The following PTPRD variants were observed in gnomAD, a reference collection of about 807,000 sequenced individuals.
PTPRD encodes the protein receptor-type tyrosine-protein phosphatase delta.
Under a neutral mutation model 214.5 loss-of-function variants are expected in PTPRD, and 34 were observed. That is an observed-to-expected ratio of 0.16 (90% CI 0.12 to 0.21). The LOEUF is 0.21. PTPRD is among the 10% of genes least tolerant of loss of function. PTPRD has a pLI of 1.00. For missense variants in PTPRD, 2,545 were observed against 2,398.7 expected, an observed-to-expected ratio of 1.06 and a Z score of -1.27; for synonymous variants, 1,128 against 845.7, an observed-to-expected ratio of 1.33 and a Z score of -5.79.
intron 4 of PTPRD, among the ~76,000 whole-genome samples, chr9:9,953,796 A>G (rs866465754): frequency 5.3e-5 from 8 of 152,264 alleles, no homozygotes; most frequent in Middle Eastern, 3.4e-3. Flanking sequence ...CTCATGCTAC[A>G]TAGCTCACTC....
intron 5 of PTPRD, among the ~76,000 whole-genome samples, chr9:9,907,212 T>C (rs1007004677): frequency 2.6e-5 from 4 of 151,938 alleles, no homozygotes; most frequent in African/African-American, 4.8e-5. Context: ...TCATGTGCAA[T>C]TGTCATATAC....
At chr9:9,293,866 A>G (rs921550220) in intron 9 of PTPRD, among the ~76,000 whole-genome samples, 7 of 151,528 alleles carry the variant, frequency 4.6e-5, no homozygotes, top group African/African-American at 1.5e-4. Context: ...CTTCTTTGCA[A>G]TTTCACAGAT....
chr9:10,464,269 T>A (rs549788023), intron 2 of PTPRD, among the ~76,000 whole-genome samples: 2 of 152,046 alleles, frequency 1.3e-5, no homozygotes, highest in South Asian at 4.2e-4. Context: ...ATAAAGATTT[T>A]AAAAAGCTGG....
At chr9:10,223,162 T>C (rs1224675461) in intron 3 of PTPRD, among the ~76,000 whole-genome samples, 2 of 151,980 alleles carry the variant, frequency 1.3e-5, no homozygotes, top group African/African-American at 4.8e-5. Flanking sequence ...CTAATGTGTC[T>C]CTTCTCTTGC....
At chr9:10,109,889 G>C (rs1482699167) in intron 3 of PTPRD, among the ~76,000 whole-genome samples, 1 of 151,680 alleles carries the variant, frequency 6.6e-6, no homozygotes, top group Non-Finnish European at 1.5e-5. Context: ...AAAAAGACAA[G>C]GACAAGCAGC....
At chr9:9,151,171 G>A (rs150104988) in intron 10 of PTPRD, among the ~76,000 whole-genome samples, 64 of 152,248 alleles carry the variant, frequency 4.2e-4, no homozygotes, top group African/African-American at 5.5e-4. Context: ...CTTTTACCTC[G>A]GATCTCAATG....
chr9:9,757,503 G>C (rs550289321), intron 6 of PTPRD, among the ~76,000 whole-genome samples: 129 of 152,100 alleles, frequency 8.5e-4, no homozygotes, highest in African/African-American at 2.9e-3. Flanking sequence ...CAATAGGGAA[G>C]ACAACGATTT....
intron 9 of PTPRD, among the ~76,000 whole-genome samples, chr9:9,369,461 CT>C (rs1449515123): frequency 6.6e-6 from 1 of 151,616 alleles, no homozygotes; most frequent in Non-Finnish European, 1.5e-5. Flanking sequence ...GGGTTGTTTG[CT>C]TTTTTTCTTG....
At chr9:9,474,822 G>A (rs1054849460) in intron 8 of PTPRD, among the ~76,000 whole-genome samples, 10 of 151,894 alleles carry the variant, frequency 6.6e-5, no homozygotes, top group African/African-American at 2.4e-4. Flanking sequence ...TCAATTCTAG[G>A]ACTTTTTGTT....
intron 3 of PTPRD, among the ~76,000 whole-genome samples, chr9:10,037,266 T>A (rs916307901): frequency 1.3e-5 from 2 of 152,086 alleles, no homozygotes; most frequent in African/African-American, 4.8e-5. Context: ...TCCTCAATGT[T>A]GGAGGTGGGG....
At chr9:8,954,874 CTA>C (rs2099123050) in intron 11 of PTPRD, among the ~76,000 whole-genome samples, 1 of 151,788 alleles carries the variant, frequency 6.6e-6, no homozygotes, top group African/African-American at 2.4e-5. Context: ...TGTGCAAAAA[CTA>C]TAGCTTATCT....
intron 2 of PTPRD, among the ~76,000 whole-genome samples, chr9:10,405,111 C>T (rs1408768194): frequency 6.6e-6 from 1 of 151,470 alleles, no homozygotes; most frequent in Non-Finnish European, 1.5e-5. Context: ...AACTGGCTAT[C>T]GGCATATAAC....
At chr9:9,616,738 C>A (rs963502305) in intron 7 of PTPRD, among the ~76,000 whole-genome samples, 2 of 152,102 alleles carry the variant, frequency 1.3e-5, no homozygotes, top group Non-Finnish European at 2.9e-5. Flanking sequence ...CCTTGTTTAG[C>A]ATATGATCAG....
chr9:9,641,626 G>A (rs560968478), intron 7 of PTPRD, among the ~76,000 whole-genome samples: 1 of 152,284 alleles, frequency 6.6e-6, no homozygotes, highest in Non-Finnish European at 1.5e-5. Context: ...TGGGATGTAA[G>A]AAAAGCCCAC....
At chr9:9,098,857 A>G (rs1378375474) in intron 10 of PTPRD, among the ~76,000 whole-genome samples, 1 of 152,198 alleles carries the variant, frequency 6.6e-6, no homozygotes, top group Non-Finnish European at 1.5e-5. Flanking sequence ...GAATTACATG[A>G]ACATATTCAC....
At chr9:10,190,413 A>ATT in intron 3 of PTPRD, among the ~76,000 whole-genome samples, 1 of 75,894 alleles carries the variant, frequency 1.3e-5, no homozygotes, top group African/African-American at 9.5e-5. Context: ...AAAAAAAAAA[A>ATT]AAAAAAACAA....
At chr9:9,574,603 T>C (rs1194943632) in intron 8 of PTPRD, 129 bp downstream of exon 8, 1 of 151,998 alleles carries the variant, frequency 6.6e-6, no homozygotes, top group African/African-American at 2.4e-5. Context: ...TATCACATAA[T>C]TTCTTCAACA....
intron 35 of PTPRD, among the ~76,000 whole-genome samples, chr9:8,435,389 C>T (rs1251558571): frequency 6.6e-6 from 1 of 151,900 alleles, no homozygotes; most frequent in African/African-American, 2.4e-5. Context: ...GCAACTGCCC[C>T]AATTAAGGCT....
chr9:10,436,228 A>C (rs571464501), intron 2 of PTPRD, among the ~76,000 whole-genome samples: 6 of 151,970 alleles, frequency 3.9e-5, no homozygotes, highest in African/African-American at 1.4e-4. Flanking sequence ...TCTTCTCTCT[A>C]TATAGACATT....
Sources: gnomAD v4.1 joint callset for allele counts (sites outside exome capture counted in the v4.1 genomes callset) on GRCh38, gnomAD v4.1.1 for gene constraint, MANE v1.5 for transcripts, NCBI Gene and HGNC (gene_info 2026-07-23, HGNC 2026-07-21) for gene names.